The following COLEC12 variants were observed in gnomAD, a reference collection of about 807,000 sequenced individuals.
The protein encoded by COLEC12 is collectin subfamily member 12.
In COLEC12, 33 loss-of-function variants were observed where a neutral mutation model predicts 71.1. That is an observed-to-expected ratio of 0.46 (90% CI 0.35 to 0.62). The LOEUF is 0.62. COLEC12 is among the 20% of genes least tolerant of loss of function. The pLI is 0.00. For missense variants in COLEC12, 765 were observed against 916.1 expected (o/e 0.84, Z 2.13); for synonymous variants, 350 against 353.0 (o/e 0.99, Z 0.10).
chr18:424,497 T>C (rs1363273469), intron 2 of COLEC12: 3 of 152,210 alleles, frequency 2.0e-5, no homozygotes, highest in Non-Finnish European at 2.9e-5. Flanking sequence ...GTTTTTCCTA[T>C]GTTGTTTTAT....
chr18:400,088 G>A (rs993330799), intron 2 of COLEC12, among the ~76,000 whole-genome samples: 3 of 152,136 alleles, frequency 2.0e-5, no homozygotes, highest in African/African-American at 7.2e-5. Flanking sequence ...CTCCAGTGCA[G>A]GTCTGCTGGT....
In COLEC12 at chr18:397,680, A is replaced by G. The variant is rs1775995196; in HGVS notation, c.59-40158T>C. ...TCTATCTTTAACCCATGGTTTCTTC[A>G]GAGGAGGCTTTTTAAGCCATGTGTC... On this transcript the variant is annotated intron_variant, in intron 2 of 9. Transcript: ENST00000400256. Among the ~76,000 whole-genome samples the G allele has an allele frequency of 5.3e-5, 8 of 152,258 alleles. No individual in the cohort carries two copies. In the South Asian group the frequency reaches 1.5e-3, roughly 28 times the overall value.
intron 1 of COLEC12, among the ~76,000 whole-genome samples, chr18:499,809 C>T (rs573491922): frequency 2.1e-4 from 32 of 152,376 alleles, no homozygotes; most frequent in African/African-American, 7.7e-4. Context: ...ATAAACCGGC[C>T]TGCAGAGGAC....
At chr18:486,227 C>T (rs1316760572) in intron 1 of COLEC12, among the ~76,000 whole-genome samples, 2 of 152,152 alleles carry the variant, frequency 1.3e-5, no homozygotes, top group Non-Finnish European at 2.9e-5. Flanking sequence ...GCTCTGTCAT[C>T]CAGGCTGGAG....
intron 2 of COLEC12, among the ~76,000 whole-genome samples, chr18:443,529 G>C (rs1386268326): frequency 6.6e-6 from 1 of 152,154 alleles, no homozygotes; most frequent in Non-Finnish European, 1.5e-5. Flanking sequence ...GTTTTCATGG[G>C]AACATGTGTT....
At chr18:406,515 C>CAAAAAAAAAAAAAAAAAAAAAAAAAA (rs34263909) in intron 2 of COLEC12, among the ~76,000 whole-genome samples, 1 of 90,450 alleles carries the variant, frequency 1.1e-5, no homozygotes, top group African/African-American at 4.9e-5. Flanking sequence ...GACTCCGTCT[C>CAAAAAAAAAAAAAAAAAAAAAAAAAA]AAAAAAAAAA....
intron 2 of COLEC12, among the ~76,000 whole-genome samples, chr18:472,881 G>A (rs1489548577): frequency 2.0e-5 from 3 of 151,888 alleles, no homozygotes; most frequent in Non-Finnish European, 2.9e-5. Context: ...GGCTTCACAA[G>A]GGGAGACCTG....
intron 1 of COLEC12, among the ~76,000 whole-genome samples, chr18:494,766 A>G (rs1232753056): frequency 6.6e-6 from 1 of 152,248 alleles, no homozygotes; most frequent in African/African-American, 2.4e-5. Flanking sequence ...GGCAAAAGAA[A>G]TGTGGCTTCT....
At chr18:441,353 T>C (rs949758910) in intron 2 of COLEC12, among the ~76,000 whole-genome samples, 2 of 152,138 alleles carry the variant, frequency 1.3e-5, no homozygotes, top group Non-Finnish European at 2.9e-5. Flanking sequence ...AGGGACACTT[T>C]TATAAGGACC....
intron 2 of COLEC12, among the ~76,000 whole-genome samples, chr18:415,823 T>C (rs1915975716): frequency 6.6e-6 from 1 of 152,212 alleles, no homozygotes; most frequent in Non-Finnish European, 1.5e-5. Context: ...TCACAACTTT[T>C]CTGGCAAAAT....
rs188973010 is a variant in COLEC12 at position 351,487 on chromosome 18, A to G, written c.182-3324T>C. 3.0e-4 allele frequency among the ~76,000 whole-genome samples: 45 copies of G among 152,298 alleles called. 2 individuals are homozygous for G. The East Asian group carries it at 8.7e-3, about 29-fold the overall frequency. ...TATCCTTTAGGGCAGGAAAATTTACATTCAATTCCATCTCTTCCTCTTAGC... is the reference window on the plus strand; with the variant it reads ...TATCCTTTAGGGCAGGAAAATTTACGTTCAATTCCATCTCTTCCTCTTAGC... On this transcript the variant is annotated intron_variant, in intron 3 of 9. Transcript: ENST00000400256.
chr18:488,007 A>G (rs1039729277), intron 1 of COLEC12, among the ~76,000 whole-genome samples: 3 of 152,234 alleles, frequency 2.0e-5, no homozygotes, highest in Admixed American at 1.3e-4. Flanking sequence ...GGAAATCTAC[A>G]TTATGCAGGA....
intron 2 of COLEC12, among the ~76,000 whole-genome samples, chr18:372,303 T>C (rs1029203538): frequency 2.0e-5 from 3 of 152,252 alleles, no homozygotes; most frequent in African/African-American, 7.2e-5. Context: ...ACCAGAGTCC[T>C]GAAGTCACTG....
rs539756105 is a variant in COLEC12 at position 399,231 on chromosome 18, G to T, written c.59-41709C>A. ...AAGTTGAGATTTTTCTGCTACGTGG[G>T]TCTCAGGCTAAGCGTAAGATGCTAT... is the stretch of plus-strand genomic sequence containing the variant. On this transcript the variant is annotated intron_variant, in intron 2 of 9. Coordinates refer to ENST00000400256, the MANE Select transcript of COLEC12 (RefSeq NM_130386.3). The surrounding 1 kb of genome is among the most constrained non-coding windows in gnomAD (Gnocchi z 4.0). Among the ~76,000 whole-genome samples the T allele has an allele frequency of 6.6e-6, 1 of 152,342 alleles. No individual in the cohort carries two copies. Among genetic ancestry groups the T allele is most frequent in the South Asian group, 2.1e-4 (1 of 4,826 alleles).
intron 5 of COLEC12, among the ~76,000 whole-genome samples, chr18:337,211 G>A (rs187707226): frequency 2.6e-5 from 4 of 152,198 alleles, no homozygotes; most frequent in Admixed American, 6.5e-5. Flanking sequence ...AAAGTTAGAA[G>A]GATAGAAGTG....
chr18:441,111 G>A lies in COLEC12; in HGVS notation c.58+39596C>T, dbSNP rs1335853370. Among the ~76,000 whole-genome samples the A allele has an allele frequency of 1.2e-4, 16 of 132,146 alleles. 2 individuals are homozygous for A. The highest frequency in any genetic ancestry group is 2.1e-4 in the African/African-American group (8 of 37,684). 86.7% of individuals were successfully genotyped at this position (132,146 alleles called of 152,430 possible). On this transcript the variant is annotated intron_variant, in intron 2 of 9. Transcript: ENST00000400256. ...AAAATACAAAAAATTGGCCAGGCGTGGTGGCGGGCGCCTGTAGTCCCAGCT... is the reference window on the plus strand; with the variant it reads ...AAAATACAAAAAATTGGCCAGGCGTAGTGGCGGGCGCCTGTAGTCCCAGCT...
chr18:466,379 G>A (rs9952919), intron 2 of COLEC12, among the ~76,000 whole-genome samples: 57,045 of 151,814 alleles, frequency 0.38, 11,781 homozygotes, highest in South Asian at 0.59. Context: ...GTGGCCCTCC[G>A]CCTTCTCCCA....
At chr18:465,902 G>A (rs1340457134) in intron 2 of COLEC12, among the ~76,000 whole-genome samples, 1 of 152,034 alleles carries the variant, frequency 6.6e-6, no homozygotes, top group Non-Finnish European at 1.5e-5. Context: ...GCAAAACCCA[G>A]TCTCTACCAA....
intron 2 of COLEC12, among the ~76,000 whole-genome samples, chr18:469,149 T>G (rs1166319063): frequency 2.6e-5 from 4 of 152,240 alleles, no homozygotes; most frequent in Non-Finnish European, 5.9e-5. Flanking sequence ...TCTCTTCACT[T>G]GCACAGACGG....
Sources: gnomAD v4.1 joint callset for allele counts (sites outside exome capture counted in the v4.1 genomes callset) on GRCh38, gnomAD v4.1.1 for gene constraint, Gnocchi (gnomAD v3.1) non-coding constraint, MANE v1.5 for transcripts, NCBI Gene and HGNC (gene_info 2026-07-23, HGNC 2026-07-21) for gene names.